Variants in ZNF831 observed in about 807,000 individuals in gnomAD.
The protein encoded by ZNF831 is chromosome 20 open reading frame 174.
ZNF831 carries 59 observed loss-of-function variants against 95.8 expected under a neutral mutation model. The ratio of observed to expected loss-of-function variants is 0.62; its 90% CI spans 0.50 to 0.77. ZNF831 has a LOEUF of 0.77. ZNF831 is among the 30% of genes least tolerant of loss of function. The pLI is 0.00. For synonymous variants in ZNF831, 961 were observed against 925.5 expected (o/e 1.04, Z -0.70); for missense variants, 2,205 against 2,164.0 (o/e 1.02, Z -0.38).
chr20:59,133,340 A>G (rs1979404614), intron 1 of ZNF831, among the ~76,000 whole-genome samples: 2 of 150,938 alleles, frequency 1.3e-5, no homozygotes, highest in Non-Finnish European at 1.5e-5. Flanking sequence ...GGCAGTTGCT[A>G]TGCTCTGGTC....
At chr20:59,179,825 C>A (rs915487493) in intron 1 of ZNF831, among the ~76,000 whole-genome samples, 1 of 152,108 alleles carries the variant, frequency 6.6e-6, no homozygotes, top group Non-Finnish European at 1.5e-5. Context: ...AGGTCCCAAT[C>A]GCAGGTAGTA....
rs35635821 is a variant in ZNF831, at chr20:59,148,679, C to CA, written c.-1281+2350dup. Among the ~76,000 whole-genome samples the CA allele has an allele frequency of 2.2e-3, 36 of 16,214 alleles. 11 individuals are homozygous for CA. Among genetic ancestry groups the CA allele is most frequent in the East Asian group, 2.7e-3 (1 of 374 alleles). The allele number at this position is 16,214 out of a possible 152,430, so 10.6% of individuals were successfully genotyped here. A position where few individuals can be genotyped will look rare whatever the true frequency, so the allele number is the denominator to read the frequency against. ...TGGGCGACAGAGCGAAACTCCGTCT[C>CA]AAAAAAAAAAAAAAAAAAAAAAAAA... On this transcript the variant is annotated intron_variant, in intron 2 of 7. Coordinates refer to the ZNF831 transcript ENST00000637017.
At chr20:59,198,222 G>C (rs941945216) in intron 3 of ZNF831, among the ~76,000 whole-genome samples, 1 of 152,166 alleles carries the variant, frequency 6.6e-6, no homozygotes, top group Non-Finnish European at 1.5e-5. Flanking sequence ...CAGCTCTTGG[G>C]CCAAACACAG....
intron 1 of ZNF831, among the ~76,000 whole-genome samples, chr20:59,143,792 A>T (rs527355496): frequency 6.6e-6 from 1 of 152,306 alleles, no homozygotes; most frequent in South Asian, 2.1e-4. Context: ...TGAGGATTGT[A>T]TTGCAAGTCT....
chr20:59,207,074 G>A lies in ZNF831; in HGVS notation c.4027+18G>A. 8.7e-6 allele frequency: 14 copies of A among 1,612,190 alleles called. No homozygotes were observed. Among genetic ancestry groups the A allele is most frequent in the Non-Finnish European group, 1.2e-5 (14 of 1,178,874 alleles). The stretch of plus-strand genomic sequence containing the variant: ...AATAGCAGGTAATGCTCTCTTTGGA[G>A]GTGCATCCAGACTGGGCACTCGAAG... On this transcript the variant is annotated intron_variant, in intron 4 of 5. Coordinates refer to ENST00000371030, the MANE Select transcript of ZNF831 (RefSeq NM_178457.3).
chr20:59,198,865 C>T (rs948128914), intron 3 of ZNF831, among the ~76,000 whole-genome samples: 2 of 152,168 alleles, frequency 1.3e-5, no homozygotes, highest in African/African-American at 2.4e-5. Flanking sequence ...TCCATCTGCA[C>T]ACTCCTCCTC....
At chr20:59,218,961 C>A (rs1053940124) in intron 4 of ZNF831, among the ~76,000 whole-genome samples, 6 of 151,974 alleles carry the variant, frequency 3.9e-5, no homozygotes, top group African/African-American at 1.5e-4. Context: ...TGCAGTGAGC[C>A]AAGATCGCGC....
rs1983860658 is a variant in ZNF831 at position 59,194,077 on chromosome 20, G to A, written c.3058G>A (p.Ala1020Thr). 1 of 1,532,944 alleles carries A rather than the reference G, an allele frequency of 6.5e-7. No individual in the cohort carries two copies. The highest frequency in any genetic ancestry group is 8.8e-7 in the Non-Finnish European group (1 of 1,140,974). The allele number at this position is 1,532,944 out of a possible 1,614,324, so 95.0% of individuals were successfully genotyped here. The change falls in exon 2 of 6, where the codon GCA (alanine) becomes ACA (threonine). Residue 1020 changes from alanine (A) to threonine (T), a missense_variant. Ala to Thr is a moderately conservative substitution (Grantham distance 58). Transcript: ENST00000371030. Reference protein sequence around the residue: ...CSRPQDGRKGAQLGGDKGDRM... With the variant: ...CSRPQDGRKGTQLGGDKGDRM... ...CAGGCCACAGGATGGGAGAAAAGGG[G>A]CACAGTTGGGGGGGGACAAGGGGGA... is the stretch of plus-strand genomic sequence containing the variant.
At chr20:59,164,594 A>T (rs193118214) in intron 1 of ZNF831, among the ~76,000 whole-genome samples, 1 of 152,310 alleles carries the variant, frequency 6.6e-6, no homozygotes, top group East Asian at 1.9e-4. Context: ...ACACATATAT[A>T]TGTATGTTTT....
chr20:59,240,406 C>T (rs1237645479), intron 4 of ZNF831, among the ~76,000 whole-genome samples: 1 of 152,116 alleles, frequency 6.6e-6, no homozygotes, highest in Non-Finnish European at 1.5e-5. Context: ...TTTTCTACAC[C>T]TCAAAAATGG....
intron 4 of ZNF831, among the ~76,000 whole-genome samples, chr20:59,251,688 GA>G (rs1160777667): frequency 6.6e-6 from 1 of 152,182 alleles, no homozygotes; most frequent in East Asian, 1.9e-4. Flanking sequence ...GAGCAAATCA[GA>G]AAGTTTCAAG....
chr20:59,126,233 C>T (rs559911991), intron 1 of ZNF831, among the ~76,000 whole-genome samples: 4 of 152,324 alleles, frequency 2.6e-5, no homozygotes, highest in Middle Eastern at 3.4e-3. Flanking sequence ...CTCTCTCCCC[C>T]GTGTCAATTC....
chr20:59,130,827 C>T (rs1979328684), intron 1 of ZNF831, among the ~76,000 whole-genome samples: 1 of 152,096 alleles, frequency 6.6e-6, no homozygotes, highest in South Asian at 2.1e-4. Flanking sequence ...GCTTTCAGGA[C>T]TCAGGAACCT....
intron 1 of ZNF831, among the ~76,000 whole-genome samples, chr20:59,171,459 G>T (rs181760714): frequency 2.4e-4 from 37 of 152,292 alleles, no homozygotes; most frequent in Non-Finnish European, 5.0e-4. Flanking sequence ...TCTTACAACA[G>T]AATGGCTCTG....
intron 1 of ZNF831, among the ~76,000 whole-genome samples, chr20:59,172,463 G>C (rs1260960644): frequency 6.6e-6 from 1 of 152,168 alleles, no homozygotes; most frequent in Admixed American, 6.5e-5. Flanking sequence ...CGGGGATGCG[G>C]ATGCTCCCCT....
chr20:59,205,109 TC>T (rs1449695469), intron 3 of ZNF831, among the ~76,000 whole-genome samples: 1 of 152,132 alleles, frequency 6.6e-6, no homozygotes, highest in Non-Finnish European at 1.5e-5. Flanking sequence ...AAGTAAAACC[TC>T]CCTGCAGTTC....
chr20:59,199,717 G>C (rs1412985120), intron 3 of ZNF831, among the ~76,000 whole-genome samples: 1 of 151,926 alleles, frequency 6.6e-6, no homozygotes, highest in Non-Finnish European at 1.5e-5. Flanking sequence ...TGTATTATTT[G>C]CCTGTTATAT....
chr20:59,180,031 A>G (rs1343550201), intron 1 of ZNF831, among the ~76,000 whole-genome samples: 7 of 152,180 alleles, frequency 4.6e-5, no homozygotes, highest in Admixed American at 4.6e-4. Context: ...CAAAGAGTGA[A>G]GGTAATTTTG....
chr20:59,193,373 T>C lies in ZNF831; in HGVS notation c.2354T>C (p.Leu785Pro), dbSNP rs1310862263. ...AGGCCAGTTTGGCCGGACCCCAAGC[T>C]GGAAGGAGGTGCCCGAGGTGTGGGG... ...APRPVWPDPK[L>P]EGGARGVGDV... The change falls in exon 2 of 6, where the codon CTG (leucine) becomes CCG (proline). Residue 785 changes from leucine to proline, a missense_variant. Leu to Pro is a moderately conservative substitution (Grantham distance 98). Coordinates refer to ENST00000371030, the MANE Select transcript of ZNF831 (RefSeq NM_178457.3). 6.2e-7 allele frequency: 1 copy of C among 1,607,468 alleles called. No individual in the cohort carries two copies. The highest frequency in any genetic ancestry group is 8.5e-7 in the Non-Finnish European group (1 of 1,176,704).
Sources: gnomAD v4.1 joint callset for allele counts (sites outside exome capture counted in the v4.1 genomes callset) on GRCh38, gnomAD v4.1.1 for gene constraint, MANE v1.5 for transcripts, NCBI Gene and HGNC (gene_info 2026-07-23, HGNC 2026-07-21) for gene names.